Variants in MACF1 observed in about 807,000 individuals in gnomAD.
MACF1 encodes the protein microtubule actin crosslinking factor 1.
A neutral mutation model predicts 854.8 loss-of-function variants in MACF1; 193 were observed. The ratio of observed to expected loss-of-function variants is 0.23; its 90% CI spans 0.20 to 0.25. The LOEUF (loss-of-function observed/expected upper bound fraction) is 0.25, where lower values mean the gene tolerates loss of function less well. Among genes scored for constraint, MACF1 ranks in the 10% least tolerant of loss-of-function variants. MACF1 has a pLI of 1.00. For missense variants in MACF1, 7,722 were observed against 8,929.1 expected (o/e 0.86, Z 5.45); for synonymous variants, 3,185 against 3,226.7 (o/e 0.99, Z 0.44).
In MACF1 at chr1:39,453,834, G is replaced by A. The variant is rs752366156; in HGVS notation, c.20870G>A (p.Arg6957Gln). ...TTIKHWITIIRARFEEVLTWA... is the reference protein window; with the variant it reads ...TTIKHWITIIQARFEEVLTWA... ...ATCAAACACTGGATCACCATCATCCGAGCTCGCTTCGAGGAGGTGAGTCCC... is the reference window on the plus strand; with the variant it reads ...ATCAAACACTGGATCACCATCATCCAAGCTCGCTTCGAGGAGGTGAGTCCC... The change falls in exon 88 of 101, where the codon CGA (arginine) becomes CAA (glutamine). Residue 6957 changes from arginine to glutamine, a missense_variant. Physicochemically the swap from Arg to Gln is conservative, Grantham distance 43 (BLOSUM62 1). Transcript: ENST00000564288. 26 of 1,614,044 alleles carry A rather than the reference G, an allele frequency of 1.6e-5. No individual in the cohort carries two copies. Among genetic ancestry groups the A allele is most frequent in the African/African-American group, 4.0e-5 (3 of 74,904 alleles).
At chr1:39,306,628 T>TC (rs1557577737) in intron 23 of MACF1, among the ~76,000 whole-genome samples, 2 of 94,884 alleles carry the variant, frequency 2.1e-5, no homozygotes, top group African/African-American at 6.6e-5. Context: ...TTTTTTTTTT[T>TC]AGTCCGGACC....
At chr1:39,448,238 A>G (rs1392477953) in intron 83 of MACF1, 86 bp downstream of exon 83, 1 of 1,448,114 alleles carries the variant, frequency 6.9e-7, no homozygotes, top group Non-Finnish European at 9.3e-7. Context: ...AGAGCTAGTA[A>G]AAAGAAAACC....
intron 25 of MACF1, among the ~76,000 whole-genome samples, 170 bp from the exon 26 acceptor site, chr1:39,310,661 C>T (rs1217351052): frequency 1.3e-5 from 2 of 152,194 alleles, no homozygotes; most frequent in African/African-American, 4.8e-5. Context: ...TTTCTTGTGG[C>T]TGTAACATGT....
At chr1:39,265,422 C>A (rs949195539) in intron 6 of MACF1, among the ~76,000 whole-genome samples, 1 of 151,962 alleles carries the variant, frequency 6.6e-6, no homozygotes, top group Non-Finnish European at 1.5e-5. Context: ...TGTTAAGAGA[C>A]CAGGTTAGAT....
intron 2 of MACF1, among the ~76,000 whole-genome samples, chr1:39,244,563 G>A (rs949650760): frequency 7.2e-4 from 108 of 150,640 alleles, no homozygotes; most frequent in African/African-American, 2.6e-3. Flanking sequence ...TTACAGGTGT[G>A]AGCCACTGCA....
chr1:39,309,039 A>G (rs891577073), intron 23 of MACF1, among the ~76,000 whole-genome samples: 14 of 152,316 alleles, frequency 9.2e-5, no homozygotes, highest in Admixed American at 4.6e-4. Context: ...ACAGCAAATC[A>G]GTTTTTAAAC....
chr1:39,180,085 A>G (rs1644084585), intron 2 of MACF1, among the ~76,000 whole-genome samples: 2 of 152,010 alleles, frequency 1.3e-5, no homozygotes, highest in Non-Finnish European at 2.9e-5. Context: ...AGGAGCTTGG[A>G]GGGCTTTTAG....
intron 60 of MACF1, among the ~76,000 whole-genome samples, chr1:39,423,402 G>A (rs1485664920): frequency 3.3e-5 from 5 of 152,206 alleles, no homozygotes; most frequent in South Asian, 2.1e-4. Flanking sequence ...TTGGGAGGCC[G>A]AGGCAGGCGG....
intron 2 of MACF1, among the ~76,000 whole-genome samples, chr1:39,156,841 G>A (rs1034660259): frequency 2.6e-5 from 4 of 152,052 alleles, no homozygotes; most frequent in Non-Finnish European, 4.4e-5. Context: ...CCATGTATTT[G>A]TGTTTCTCCA....
At position 39,318,671 on chromosome 1, in the gene MACF1, A is replaced by G. The variant is rs931532454; in HGVS notation, c.3945+56A>G. 1.2e-5 allele frequency: 17 copies of G among 1,475,636 alleles called. No homozygotes were observed. In the African/African-American group the frequency reaches 1.4e-4, roughly 12 times the overall value. 91.4% of individuals were successfully genotyped at this position (1,475,636 alleles called of 1,614,324 possible). On this transcript the variant is annotated intron_variant, in intron 30 of 100. Coordinates refer to ENST00000564288, the MANE Select transcript of MACF1 (RefSeq NM_001394062.1). Reference sequence around the variant, plus strand: ...GTTAGAAATTTAAATTTTCTTTATCATAAAAGAAAATGATGTACTGGCAAT... The same window carrying G: ...GTTAGAAATTTAAATTTTCTTTATCGTAAAAGAAAATGATGTACTGGCAAT...
At chr1:39,407,930 G>C (rs1038291939) in intron 58 of MACF1, among the ~76,000 whole-genome samples, 3 of 152,216 alleles carry the variant, frequency 2.0e-5, no homozygotes, top group Admixed American at 6.5e-5. Flanking sequence ...CAGAGATGCA[G>C]CTGCCTCTGG....
In MACF1 at chr1:39,404,244, A is replaced by C. The variant is rs116443541; in HGVS notation, c.15816+15586A>C. Among the ~76,000 whole-genome samples the C allele has an allele frequency of 5.8e-3, 881 of 151,962 alleles. 9 individuals carry two copies. The highest frequency in any genetic ancestry group is 0.02 in the African/African-American group (822 of 41,484). On this transcript the variant is annotated intron_variant, in intron 58 of 100. Transcript: ENST00000564288. ...GCATGGTGGCTCATGCTGTAAGCCC[A>C]GTTGGGAGGCTTAGGCAGGTGCATC...
intron 2 of MACF1, among the ~76,000 whole-genome samples, chr1:39,130,109 C>A (rs531892685): frequency 2.6e-5 from 4 of 151,950 alleles, no homozygotes; most frequent in Non-Finnish European, 5.9e-5. Flanking sequence ...GTTGAAATGT[C>A]GGTACCTGCC....
intron 61 of MACF1, among the ~76,000 whole-genome samples, chr1:39,426,784 G>A (rs12063951): frequency 0.035 from 5,308 of 151,888 alleles, 289 homozygotes; most frequent in African/African-American, 0.12. Flanking sequence ...TTTTTGGGGG[G>A]GGTGCTTTTT....
intron 2 of MACF1, among the ~76,000 whole-genome samples, chr1:39,136,496 C>T (rs1643172681): frequency 6.6e-6 from 1 of 152,144 alleles, no homozygotes; most frequent in Admixed American, 6.5e-5. Context: ...GTCCCCAGTT[C>T]CTGCTCTGTG....
chr1:39,384,398 TATCTC>T (rs1246772518), intron 56 of MACF1, among the ~76,000 whole-genome samples: 1 of 152,222 alleles, frequency 6.6e-6, no homozygotes, highest in Non-Finnish European at 1.5e-5. Flanking sequence ...TTCTATAAAT[TATCTC>T]ATTTAATCCT....
intron 100 of MACF1, 47 bp from the exon 101 acceptor site, chr1:39,485,491 C>T (rs777831593): frequency 1.3e-6 from 2 of 1,531,138 alleles, no homozygotes; most frequent in Non-Finnish European, 1.8e-6. Context: ...TGTTCTTCCA[C>T]CCCATGCCAT....
chr1:39,255,388 G>A (rs1252756251), intron 5 of MACF1, among the ~76,000 whole-genome samples: 1 of 152,150 alleles, frequency 6.6e-6, no homozygotes, highest in Non-Finnish European at 1.5e-5. Context: ...GATGGATGAG[G>A]GAGTCAAAGA....
chr1:39,469,639 C>T lies in MACF1; in HGVS notation c.21958+24C>T, dbSNP rs116743639. 14,348 of 1,530,126 alleles carry T rather than the reference C, an allele frequency of 9.4e-3. 83 individuals are homozygous for T. The highest frequency in any genetic ancestry group is 0.012 in the Non-Finnish European group (13,111 of 1,128,360). The allele number at this position is 1,530,126 out of a possible 1,614,324, so 94.8% of individuals were successfully genotyped here. ...AGGTTGGCTTTTAAGCTTTGTCCCTCTTCCTCACACCCTAGCCCATTGAGA... is the reference window on the plus strand; with the variant it reads ...AGGTTGGCTTTTAAGCTTTGTCCCTTTTCCTCACACCCTAGCCCATTGAGA... On this transcript the variant is annotated intron_variant, in intron 97 of 100. Transcript: ENST00000564288.
Sources: allele counts gnomAD v4.1 joint callset (sites outside exome capture counted in the v4.1 genomes callset), GRCh38; gene constraint gnomAD v4.1.1; transcripts MANE v1.5; gene names NCBI Gene and HGNC (gene_info 2026-07-23, HGNC 2026-07-21).